Variants in LMBRD1 observed in about 807,000 individuals in gnomAD.
LMBRD1 encodes LMBR1 domain containing 1.
A neutral mutation model predicts 74.8 loss-of-function variants in LMBRD1; 64 were observed. The observed-to-expected ratio is 0.86, with a 90% CI of 0.70 to 1.05. LMBRD1 has a LOEUF of 1.05. Ranked by LOEUF, LMBRD1 falls within the 50% of genes least tolerant of loss-of-function variation. LMBRD1 has a pLI of 0.00. For missense variants in LMBRD1, 652 were observed against 645.9 expected, an observed-to-expected ratio of 1.01 and a Z score of -0.10; for synonymous variants, 204 against 216.3, an observed-to-expected ratio of 0.94 and a Z score of 0.50.
intron 9 of LMBRD1, among the ~76,000 whole-genome samples, chr6:69,704,152 T>A (rs1478005782): frequency 3.3e-5 from 5 of 152,062 alleles, no homozygotes; most frequent in African/African-American, 1.2e-4. Flanking sequence ...GGTTTCTCCA[T>A]TGTACAATTA....
At chr6:69,678,496 A>T (rs1382314766) in intron 14 of LMBRD1, among the ~76,000 whole-genome samples, 1 of 152,158 alleles carries the variant, frequency 6.6e-6, no homozygotes, top group African/African-American at 2.4e-5. Context: ...GGTCAACTAC[A>T]TTATGTAATT....
At chr6:69,704,880 T>G (rs1562091798) in intron 9 of LMBRD1, among the ~76,000 whole-genome samples, 1 of 150,236 alleles carries the variant, frequency 6.7e-6, no homozygotes, top group African/African-American at 2.5e-5. Flanking sequence ...TTTGTTCTTC[T>G]GCTAGCTTTT....
chr6:69,680,085 C>G (rs1384226169), intron 14 of LMBRD1, among the ~76,000 whole-genome samples: 1 of 151,976 alleles, frequency 6.6e-6, no homozygotes, highest in African/African-American at 2.4e-5. Context: ...TGGCAAAATT[C>G]AAATTTGTAT....
At chr6:69,736,644 T>C (rs1023637621) in intron 7 of LMBRD1, among the ~76,000 whole-genome samples, 2 of 152,230 alleles carry the variant, frequency 1.3e-5, no homozygotes, top group African/African-American at 4.8e-5. Flanking sequence ...ATATCCTCAT[T>C]TCTCTAAAGG....
intron 7 of LMBRD1, among the ~76,000 whole-genome samples, chr6:69,728,573 C>T (rs1430559851): frequency 6.6e-6 from 1 of 152,152 alleles, no homozygotes; most frequent in Non-Finnish European, 1.5e-5. Context: ...CTGCAGTACT[C>T]GATACTGTTT....
At chr6:69,700,074 A>G (rs187145214) in intron 12 of LMBRD1, among the ~76,000 whole-genome samples, 222 of 152,000 alleles carry the variant, frequency 1.5e-3, no homozygotes, top group Middle Eastern at 6.8e-3. Context: ...TACTACAATC[A>G]TGACAGAGAT....
chr6:69,788,185 T>C (rs1302783528), intron 2 of LMBRD1, among the ~76,000 whole-genome samples: 4 of 152,136 alleles, frequency 2.6e-5, no homozygotes, highest in Non-Finnish European at 5.9e-5. Flanking sequence ...GTTTGTTACA[T>C]ATGTATAAAG....
rs183698538 is a variant in LMBRD1, at chr6:69,680,734, T to C, written c.1418-4193A>G. Among the ~76,000 whole-genome samples the C allele has an allele frequency of 1.3e-3, 199 of 152,242 alleles. No individual in the cohort carries two copies. The Middle Eastern group carries it at 0.017, about 13-fold the overall frequency. On this transcript the variant is annotated intron_variant, in intron 14 of 15. Coordinates refer to ENST00000649934, the MANE Select transcript of LMBRD1 (RefSeq NM_018368.4). Reference sequence around the variant, plus strand: ...CTCTTTATATGCATCTTTATACATATATATCATTTTATTTCTATTAACTGG... The same window carrying C: ...CTCTTTATATGCATCTTTATACATACATATCATTTTATTTCTATTAACTGG...
chr6:69,694,359 T>C (rs1765950534), intron 14 of LMBRD1, among the ~76,000 whole-genome samples: 1 of 152,178 alleles, frequency 6.6e-6, no homozygotes, highest in Non-Finnish European at 1.5e-5. Flanking sequence ...AATTAAACAC[T>C]AATTTTTCAA....
intron 14 of LMBRD1, among the ~76,000 whole-genome samples, chr6:69,680,276 C>T (rs1195014018): frequency 6.6e-6 from 1 of 152,092 alleles, no homozygotes; most frequent in African/African-American, 2.4e-5. Flanking sequence ...CAAGTATAAG[C>T]CTGTGAAAAA....
At chr6:69,779,062 T>C (rs1765768149) in intron 3 of LMBRD1, among the ~76,000 whole-genome samples, 1 of 151,924 alleles carries the variant, frequency 6.6e-6, no homozygotes, top group Admixed American at 6.6e-5. Context: ...GGTGTGTGCC[T>C]GTAATCCCAG....
intron 9 of LMBRD1, 152 bp downstream of exon 9, chr6:69,713,493 C>T: frequency 1.4e-6 from 1 of 725,148 alleles, no homozygotes. Context: ...CCCAAACTAC[C>T]AAAGAGAGCT....
rs1170917193 is a variant in LMBRD1, at chr6:69,674,018, A to G, written c.*2140T>C. On this transcript the variant is annotated 3_prime_UTR_variant, in exon 16 of 16. Coordinates refer to ENST00000649934, the MANE Select transcript of LMBRD1 (RefSeq NM_018368.4). ...AAATGCCACAGACTCAGTGGCTTAA[A>G]CAACAGAAATTTATTTTCTCACAGA... is the stretch of plus-strand genomic sequence containing the variant. 6.6e-6 allele frequency among the ~76,000 whole-genome samples: 1 copy of G among 152,212 alleles called. No homozygotes were observed. The highest frequency in any genetic ancestry group is 1.5e-5 in the Non-Finnish European group (1 of 68,036).
rs965079474 is a variant in LMBRD1 at position 69,752,459 on chromosome 6, T to C, written c.308-103A>G. On this transcript the variant is annotated intron_variant, in intron 3 of 15. Coordinates refer to ENST00000649934, the MANE Select transcript of LMBRD1 (RefSeq NM_018368.4). ...TATTCACTTAACAAATTCACTCCCCTATCTGATTCCCTCTTCTCATAACTC... is the reference window on the plus strand; with the variant it reads ...TATTCACTTAACAAATTCACTCCCCCATCTGATTCCCTCTTCTCATAACTC... The C allele has an allele frequency of 1.6e-5, 15 of 919,470 alleles. No homozygotes were observed. The African/African-American group carries it at 1.8e-4, about 11-fold the overall frequency. 57.0% of individuals were successfully genotyped at this position (919,470 alleles called of 1,614,324 possible).
chr6:69,699,476 T>A (rs556566503), intron 12 of LMBRD1, among the ~76,000 whole-genome samples: 2 of 151,962 alleles, frequency 1.3e-5, no homozygotes, highest in Admixed American at 1.3e-4. Context: ...GAAGTATGAA[T>A]TTAAACTACA....
intron 3 of LMBRD1, 96 bp from the exon 4 acceptor site, chr6:69,752,452 A>ACTCCCCTATCTGATTCC: frequency 1.0e-6 from 1 of 998,038 alleles, no homozygotes; most frequent in South Asian, 1.4e-5. Flanking sequence ...TAACAAATTC[A>ACTCCCCTATCTGATTCC]CTCCCCTATC....
chr6:69,720,608 A>T (rs1451291209), intron 7 of LMBRD1, among the ~76,000 whole-genome samples: 2 of 152,098 alleles, frequency 1.3e-5, no homozygotes, highest in African/African-American at 2.4e-5. Context: ...CTTTTGGTAT[A>T]TTTGGTATAT....
At chr6:69,692,904 A>G (rs1765920762) in intron 14 of LMBRD1, among the ~76,000 whole-genome samples, 2 of 152,136 alleles carry the variant, frequency 1.3e-5, no homozygotes, top group East Asian at 1.9e-4. Flanking sequence ...CTCTTTCCCA[A>G]AATCAAACCC....
chr6:69,789,156 C>T (rs1430526765), intron 2 of LMBRD1, among the ~76,000 whole-genome samples: 1 of 152,170 alleles, frequency 6.6e-6, no homozygotes, highest in Non-Finnish European at 1.5e-5. Flanking sequence ...GTTTTCACAG[C>T]AATCAGAGTA....
Sources: gnomAD v4.1 joint callset for allele counts (sites outside exome capture counted in the v4.1 genomes callset) on GRCh38, gnomAD v4.1.1 for gene constraint, MANE v1.5 for transcripts, NCBI Gene and HGNC (gene_info 2026-07-23, HGNC 2026-07-21) for gene names.